FAT3: variants seen among roughly 807,000 people sequenced by gnomAD.
FAT3 encodes the protein protocadherin Fat 3.
In FAT3, 95 loss-of-function variants were observed where a neutral mutation model predicts 310.2. The ratio of observed to expected loss-of-function variants is 0.31; its 90% CI spans 0.26 to 0.36. The LOEUF (loss-of-function observed/expected upper bound fraction) is 0.36. Ranked by LOEUF, FAT3 falls within the 10% of genes least tolerant of loss-of-function variation. The pLI is 1.00. For synonymous variants in FAT3, 2,314 were observed against 2,192.9 expected (o/e 1.06, Z -1.54); for missense variants, 5,408 against 5,715.6 (o/e 0.95, Z 1.74).
intron 7 of FAT3, among the ~76,000 whole-genome samples, chr11:92,778,328 C>A (rs766881747): frequency 3.9e-5 from 6 of 152,206 alleles, no homozygotes; most frequent in African/African-American, 1.4e-4. Flanking sequence ...ATTCTCTACA[C>A]TACTAATGTT....
chr11:92,699,519 G>A (rs1944034023), intron 4 of FAT3, among the ~76,000 whole-genome samples: 1 of 152,096 alleles, frequency 6.6e-6, no homozygotes, highest in Non-Finnish European at 1.5e-5. Flanking sequence ...AAATGCTTGG[G>A]ATTCGAAATG....
intron 3 of FAT3, among the ~76,000 whole-genome samples, chr11:92,635,985 A>G (rs1187191481): frequency 6.6e-6 from 1 of 151,856 alleles, no homozygotes; most frequent in Non-Finnish European, 1.5e-5. Context: ...TTTTTTTGAG[A>G]CAGGGTCTCA....
At chr11:92,479,241 G>T (rs1293277500) in intron 2 of FAT3, among the ~76,000 whole-genome samples, 1 of 150,590 alleles carries the variant, frequency 6.6e-6, no homozygotes, top group Non-Finnish European at 1.5e-5. Flanking sequence ...GAACTCCTGG[G>T]CCCAAGCATC....
chr11:92,844,231 G>C lies in FAT3; in HGVS notation c.10864G>C (p.Val3622Leu). Reference protein sequence around the residue: ...DSGKYVLNVSVSDGRFQVPID... With the variant: ...DSGKYVLNVSLSDGRFQVPID... ...CGGCAAGTATGTCCTGAATGTGTCTGTGAGTGATGGTCGCTTCCAGGTACC... is the reference window on the plus strand; with the variant it reads ...CGGCAAGTATGTCCTGAATGTGTCTCTGAGTGATGGTCGCTTCCAGGTACC... Residue 3622 changes from valine (V) to leucine (L), a missense_variant, in exon 19 of 28, where the codon GTG (valine) becomes CTG (leucine). Transcript: ENST00000525166. 1 of 1,614,064 alleles carries C rather than the reference G, an allele frequency of 6.2e-7. No individual in the cohort carries two copies. The highest frequency in any genetic ancestry group is 8.5e-7 in the Non-Finnish European group (1 of 1,179,906).
chr11:92,492,058 G>A (rs1327699807), intron 2 of FAT3, among the ~76,000 whole-genome samples: 1 of 152,072 alleles, frequency 6.6e-6, no homozygotes, highest in Admixed American at 6.6e-5. Context: ...TACTCAGTGT[G>A]TTCTTATGCA....
chr11:92,258,895 A>G (rs1865423404), intron 1 of FAT3, among the ~76,000 whole-genome samples: 1 of 151,954 alleles, frequency 6.6e-6, no homozygotes. Context: ...CAACACTTTA[A>G]CCACTGATTC....
chr11:92,260,101 C>T (rs1255707790), intron 1 of FAT3, among the ~76,000 whole-genome samples: 1 of 152,176 alleles, frequency 6.6e-6, no homozygotes, highest in Non-Finnish European at 1.5e-5. Flanking sequence ...TTTGATAAAA[C>T]CTGTCAGCGT....
chr11:92,502,951 T>TA (rs1952987266), intron 2 of FAT3, among the ~76,000 whole-genome samples: 1 of 152,134 alleles, frequency 6.6e-6, no homozygotes, highest in Non-Finnish European at 1.5e-5. Context: ...ATGGGTTTAA[T>TA]ATAATGCCTG....
intron 4 of FAT3, among the ~76,000 whole-genome samples, chr11:92,754,673 G>C (rs1945938468): frequency 7.8e-6 from 1 of 128,894 alleles, no homozygotes; most frequent in South Asian, 2.4e-4. Context: ...TGGCCAACAT[G>C]GTGAAAACCC....
intron 1 of FAT3, among the ~76,000 whole-genome samples, chr11:92,229,380 C>T (rs1423738370): frequency 6.6e-6 from 1 of 150,898 alleles, no homozygotes; most frequent in African/African-American, 2.4e-5. Flanking sequence ...GTGTTTTGGT[C>T]GATTTAATTC....
At chr11:92,553,009 TATGGAAGGAAATAGAGGAAG>T in intron 3 of FAT3, among the ~76,000 whole-genome samples, 1 of 142,480 alleles carries the variant, frequency 7.0e-6, no homozygotes, top group South Asian at 2.3e-4. Context: ...ATAGAGGAAA[TATGGAAGGAAATAGAGGAAG>T]ATAGAGACAG....
chr11:92,641,399 G>T (rs1052802859), intron 3 of FAT3, among the ~76,000 whole-genome samples: 1 of 152,136 alleles, frequency 6.6e-6, no homozygotes, highest in Non-Finnish European at 1.5e-5. Context: ...AAAACATCAG[G>T]CATTTATTCT....
chr11:92,890,022 A>G lies in FAT3; in HGVS notation c.13147+131A>G, dbSNP rs1420256020. On this transcript the variant is annotated intron_variant, in intron 27 of 27. Transcript: ENST00000525166. Reference sequence around the variant, plus strand: ...GTCTCAGGTGTCTCGTGCGCTCAGTATTGGAGGTGAAAGCTCCACCAGCAT... The same window carrying G: ...GTCTCAGGTGTCTCGTGCGCTCAGTGTTGGAGGTGAAAGCTCCACCAGCAT... The G allele has an allele frequency of 1.7e-5, 12 of 708,396 alleles. No individual in the cohort carries two copies. In the East Asian group the frequency reaches 2.4e-4, roughly 14 times the overall value. The allele number at this position is 708,396 out of a possible 1,614,324, so 43.9% of individuals were successfully genotyped here.
At chr11:92,574,856 G>C (rs953660850) in intron 3 of FAT3, among the ~76,000 whole-genome samples, 31 of 152,080 alleles carry the variant, frequency 2.0e-4, no homozygotes, top group Non-Finnish European at 1.5e-5. Flanking sequence ...CCCTGTGATG[G>C]GGGTAGTGAT....
intron 5 of FAT3, 74 bp from the exon 6 acceptor site, chr11:92,764,804 AC>A: frequency 7.2e-7 from 1 of 1,390,400 alleles, no homozygotes; most frequent in Non-Finnish European, 9.9e-7. Flanking sequence ...TGGCCCAGCA[AC>A]ATGAGTGACA....
chr11:92,879,332 C>T (rs1215351595), intron 22 of FAT3, among the ~76,000 whole-genome samples: 1 of 152,116 alleles, frequency 6.6e-6, no homozygotes, highest in Non-Finnish European at 1.5e-5. Context: ...CAACACAGGA[C>T]AGCAGGAAAG....
chr11:92,662,077 C>T (rs376689125), intron 3 of FAT3, among the ~76,000 whole-genome samples: 3 of 152,140 alleles, frequency 2.0e-5, no homozygotes, highest in Non-Finnish European at 4.4e-5. Flanking sequence ...GATTAACATA[C>T]CAGACCAGAC....
In FAT3 at chr11:92,353,455, C is replaced by A. The variant is rs534730750; in HGVS notation, c.1343C>A (p.Thr448Lys). 2 of 1,613,496 alleles carry A rather than the reference C, an allele frequency of 1.2e-6. No homozygotes were observed. Among genetic ancestry groups the A allele is most frequent in the East Asian group, 2.2e-5 (1 of 44,848 alleles). Residue 448 changes from threonine (T) to lysine (K), a missense_variant, in exon 2 of 28, where the codon ACA (threonine) becomes AAA (lysine). Thr to Lys is a moderately conservative substitution (Grantham distance 78, BLOSUM62 -1). This residue lies in a region of FAT3 where 4,588 missense variants were observed against 4,809.8 expected (regional missense o/e 0.95). Coordinates refer to ENST00000525166, the MANE Select transcript of FAT3 (RefSeq NM_001367949.2). ...AAGGAGGTTTATAAACTGGAGGTGA[C>A]AAACAAGGAAGGAGATTTAAAAGCA... The part of the protein sequence containing the change: ...VKKEVYKLEV[T>K]NKEGDLKAQV...
intron 1 of FAT3, among the ~76,000 whole-genome samples, chr11:92,344,795 G>A (rs1053252883): frequency 2.0e-5 from 3 of 152,066 alleles, no homozygotes; most frequent in Admixed American, 6.6e-5. Flanking sequence ...AACACATCCC[G>A]ATTGATGGCA....
Sources: allele counts gnomAD v4.1 joint callset (sites outside exome capture counted in the v4.1 genomes callset), GRCh38; gene constraint gnomAD v4.1.1; regional missense constraint gnomAD v4.1.1; transcripts MANE v1.5; gene names NCBI Gene and HGNC (gene_info 2026-07-23, HGNC 2026-07-21).